Variants in LRP1B observed in about 807,000 individuals in gnomAD.
LRP1B encodes the protein LDL receptor related protein 1B, also known as low-density lipoprotein receptor-related protein 1B.
In LRP1B, 217 loss-of-function variants were observed where a neutral mutation model predicts 556.6. That is an observed-to-expected ratio of 0.39 (90% CI 0.35 to 0.44). LRP1B has a LOEUF of 0.44. LRP1B is among the 20% of genes least tolerant of loss of function. The pLI, the probability that LRP1B is intolerant of heterozygous loss-of-function variation, is 1.00. For missense variants in LRP1B, 5,053 were observed against 5,620.8 expected (o/e 0.90, Z 3.23); for synonymous variants, 2,047 against 1,865.8 (o/e 1.10, Z -2.50).
intron 1 of LRP1B, among the ~76,000 whole-genome samples, chr2:142,030,421 A>G (rs570583743): frequency 5.3e-5 from 8 of 152,080 alleles, no homozygotes; most frequent in African/African-American, 1.9e-4. Context: ...AATGATTTTC[A>G]TCCTTGGCTC....
At chr2:141,733,752 T>G (rs1009962291) in intron 2 of LRP1B, among the ~76,000 whole-genome samples, 1 of 152,152 alleles carries the variant, frequency 6.6e-6, no homozygotes, top group African/African-American at 2.4e-5. Flanking sequence ...TTCCTACTGC[T>G]AGAATTGGCC....
intron 3 of LRP1B, among the ~76,000 whole-genome samples, chr2:141,437,563 G>C (rs1680808522): frequency 6.6e-6 from 1 of 151,738 alleles, no homozygotes. Flanking sequence ...ATGCACTTTG[G>C]TCATTTCTTT....
At chr2:140,374,476 TA>T (rs1044815054) in intron 68 of LRP1B, among the ~76,000 whole-genome samples, 12 of 152,134 alleles carry the variant, frequency 7.9e-5, no homozygotes, top group African/African-American at 2.9e-4. Flanking sequence ...AAAGGCTTTT[TA>T]TGTGTAAGGA....
At chr2:141,364,479 ATTAT>A (rs1490844747) in intron 3 of LRP1B, among the ~76,000 whole-genome samples, 1 of 152,170 alleles carries the variant, frequency 6.6e-6, no homozygotes, top group African/African-American at 2.4e-5. Flanking sequence ...ATGTACAATT[ATTAT>A]TTGTCAATTA....
chr2:140,434,062 T>TCTTTC (rs763624352), intron 66 of LRP1B, among the ~76,000 whole-genome samples: 10 of 139,158 alleles, frequency 7.2e-5, no homozygotes, highest in Non-Finnish European at 1.5e-4. Flanking sequence ...TTTCTTTCTT[T>TCTTTC]TATTTATTTA....
In LRP1B at chr2:141,520,680, A is replaced by G. The variant is rs191177276; in HGVS notation, c.206-40147T>C. Among the ~76,000 whole-genome samples, 3 of 152,092 alleles carry G rather than the reference A, an allele frequency of 2.0e-5. No individual in the cohort carries two copies. The East Asian group carries it at 5.8e-4, about 29-fold the overall frequency. ...TTCACCTCTGTTTCATGTTTTCAAAAGCTTTTTGCTCTCCTTGTTGATAGA... is the reference window on the plus strand; with the variant it reads ...TTCACCTCTGTTTCATGTTTTCAAAGGCTTTTTGCTCTCCTTGTTGATAGA... On this transcript the variant is annotated intron_variant, in intron 2 of 90. Coordinates refer to ENST00000389484, the MANE Select transcript of LRP1B (RefSeq NM_018557.3).
intron 3 of LRP1B, among the ~76,000 whole-genome samples, chr2:141,290,256 T>C (rs1685890153): frequency 6.6e-6 from 1 of 152,174 alleles, no homozygotes; most frequent in Non-Finnish European, 1.5e-5. Flanking sequence ...ATTTAACAAA[T>C]TAGATGATTG....
chr2:140,513,037 A>T (rs188632887), intron 51 of LRP1B, among the ~76,000 whole-genome samples: 73 of 152,278 alleles, frequency 4.8e-4, no homozygotes, highest in African/African-American at 1.7e-3. Context: ...ATAAAAAAGC[A>T]TTATTAGGAC....
chr2:141,690,243 T>C (rs1230032628), intron 2 of LRP1B, among the ~76,000 whole-genome samples: 2 of 151,082 alleles, frequency 1.3e-5, no homozygotes, highest in Admixed American at 6.6e-5. Context: ...AATTTTATTA[T>C]GCTTTACAAG....
At chr2:142,126,473 G>C (rs748826354) in intron 1 of LRP1B, among the ~76,000 whole-genome samples, 7 of 151,822 alleles carry the variant, frequency 4.6e-5, no homozygotes, top group Non-Finnish European at 1.0e-4. Context: ...CAATTGTATA[G>C]TTGGGTTCCA....
intron 41 of LRP1B, among the ~76,000 whole-genome samples, chr2:140,661,403 T>C (rs1295819086): frequency 6.6e-6 from 1 of 151,432 alleles, no homozygotes; most frequent in African/African-American, 2.4e-5. Flanking sequence ...CTCATGCCTA[T>C]AATCCCAGCA....
chr2:140,728,700 T>C (rs1258494974), intron 35 of LRP1B, among the ~76,000 whole-genome samples: 1 of 152,090 alleles, frequency 6.6e-6, no homozygotes, highest in Non-Finnish European at 1.5e-5. Flanking sequence ...TCATCATCCC[T>C]GGTGAAAAAA....
At chr2:141,452,537 T>C (rs1681459680) in intron 3 of LRP1B, among the ~76,000 whole-genome samples, 1 of 152,232 alleles carries the variant, frequency 6.6e-6, no homozygotes, top group African/African-American at 2.4e-5. Context: ...ATGTAGTATA[T>C]CTTTTCATTA....
In LRP1B at chr2:141,188,052, G is replaced by A. The variant is rs74591463; in HGVS notation, c.1013+369C>T. ...AGTATGTCAACAGTACATCCTTCAA[G>A]TAGCATTCTGGAGGTTTGCTAACGA... On this transcript the variant is annotated intron_variant, in intron 7 of 90. Coordinates refer to ENST00000389484, the MANE Select transcript of LRP1B (RefSeq NM_018557.3). Among the ~76,000 whole-genome samples, 325 of 152,078 alleles carry A rather than the reference G, an allele frequency of 2.1e-3. 2 individuals carry two copies. Among genetic ancestry groups the A allele is most frequent in the African/African-American group, 6.8e-3 (281 of 41,526 alleles).
chr2:140,265,965 T>A (rs189135216), intron 86 of LRP1B, among the ~76,000 whole-genome samples: 6 of 152,134 alleles, frequency 3.9e-5, no homozygotes, highest in Admixed American at 1.3e-4. Flanking sequence ...ACAAGCATAA[T>A]CTTACATATT....
Position 140,702,569 on chromosome 2 carries a change from T to C in LRP1B, c.6024-16A>G. ...GAACAAGAGGCTGAAATTAAATTGT[T>C]AATTTGTAGTGTTTATGTACATTTA... On this transcript the variant is annotated splice_polypyrimidine_tract_variant and intron_variant, in intron 37 of 90. Coordinates refer to ENST00000389484, the MANE Select transcript of LRP1B (RefSeq NM_018557.3). 4 of 1,611,660 alleles carry C rather than the reference T, an allele frequency of 2.5e-6. No individual in the cohort carries two copies. Among genetic ancestry groups the C allele is most frequent in the Non-Finnish European group, 3.4e-6 (4 of 1,178,276 alleles).
At position 141,174,439 on chromosome 2, in the gene LRP1B, C is replaced by T. The variant is rs924596334; in HGVS notation, c.1013+13982G>A. On this transcript the variant is annotated intron_variant, in intron 7 of 90. Coordinates refer to ENST00000389484, the MANE Select transcript of LRP1B (RefSeq NM_018557.3). ...GGGGCCTGGTGGAAGGTGATTGGAT[C>T]ATGTGGGCAGATTTCTCCTTTGTTA... Among the ~76,000 whole-genome samples the T allele has an allele frequency of 1.1e-4, 16 of 152,026 alleles. 1 individual carries two copies. The highest frequency in any genetic ancestry group is 3.9e-4 in the African/African-American group (16 of 41,414).
At chr2:140,241,670 A>C (rs1044612841) in intron 87 of LRP1B, among the ~76,000 whole-genome samples, 4 of 150,928 alleles carry the variant, frequency 2.7e-5, no homozygotes, top group Admixed American at 6.6e-5. Flanking sequence ...TATAAAACCT[A>C]GTGTCACTGA....
At chr2:141,192,682 T>C (rs926041258) in intron 6 of LRP1B, among the ~76,000 whole-genome samples, 4 of 151,908 alleles carry the variant, frequency 2.6e-5, no homozygotes, top group East Asian at 1.9e-4. Context: ...CATTCCTTAA[T>C]TGTCAAAAGT....
Sources: gnomAD v4.1 joint callset for allele counts (sites outside exome capture counted in the v4.1 genomes callset) on GRCh38, gnomAD v4.1.1 for gene constraint, MANE v1.5 for transcripts, NCBI Gene and HGNC (gene_info 2026-07-23, HGNC 2026-07-21) for gene names.